The following SORCS2 variants were observed in gnomAD, a reference collection of about 807,000 sequenced individuals.
The protein encoded by SORCS2 is sortilin related VPS10 domain containing receptor 2, also known as VPS10 domain-containing receptor SorCS2.
In SORCS2, 100 loss-of-function variants were observed where a neutral mutation model predicts 141.6. The observed-to-expected ratio is 0.71, with a 90% CI of 0.60 to 0.83. The LOEUF (loss-of-function observed/expected upper bound fraction) is 0.83. SORCS2 is among the 40% of genes least tolerant of loss of function. SORCS2 has a pLI of 0.00. For synonymous variants in SORCS2, 789 were observed against 676.9 expected, an observed-to-expected ratio of 1.17 and a Z score of -2.57; for missense variants, 1,646 against 1,560.2, an observed-to-expected ratio of 1.05 and a Z score of -0.93.
chr4:7,305,360 AGT>A (rs1717740894), intron 1 of SORCS2, among the ~76,000 whole-genome samples: 1 of 100,484 alleles, frequency 1.0e-5, no homozygotes, highest in African/African-American at 3.4e-5. Context: ...TTTCTACTTT[AGT>A]TTTTTTTTTT....
intron 3 of SORCS2, among the ~76,000 whole-genome samples, chr4:7,532,075 G>A (rs546740929): frequency 3.9e-5 from 6 of 152,322 alleles, no homozygotes; most frequent in African/African-American, 1.2e-4. Context: ...GCTGTTTCCT[G>A]GGTCTGGGGG....
chr4:7,577,290 G>A lies in SORCS2; in HGVS notation c.648+45661G>A, dbSNP rs141072865. On this transcript the variant is annotated intron_variant, in intron 3 of 26. Transcript: ENST00000507866. ...CACCAGTTCCCTGGTGGGGAGACAG[G>A]TGAAGGCAGGTGGGTAGACAGGTAA... 4.0e-3 allele frequency among the ~76,000 whole-genome samples: 615 copies of A among 152,370 alleles called. 13 individuals carry two copies. The highest frequency in any genetic ancestry group is 0.014 in the African/African-American group (583 of 41,592).
intron 3 of SORCS2, among the ~76,000 whole-genome samples, chr4:7,578,109 T>C (rs1187736796): frequency 6.6e-6 from 1 of 152,220 alleles, no homozygotes; most frequent in East Asian, 1.9e-4. Context: ...ATTAATGTCC[T>C]CTCAGGATTG....
At chr4:7,253,206 T>C (rs11730548) in intron 1 of SORCS2, among the ~76,000 whole-genome samples, 127,759 of 152,264 alleles carry the variant, frequency 0.84, 53,675 homozygotes, top group African/African-American at 0.87. Flanking sequence ...GCCATCCCTG[T>C]CTCAGACTCC....
At position 7,713,918 on chromosome 4, in the gene SORCS2, G is replaced by A. The variant is rs148484617; in HGVS notation, c.1990-322G>A. ...TGTGTGCCTGTGAGCCCTCGAGGGC[G>A]TGGCTCAGCCCAGCTCCCACACAGC... On this transcript the variant is annotated intron_variant, in intron 15 of 26. Transcript: ENST00000507866. Among the ~76,000 whole-genome samples, 1,283 of 152,306 alleles carry A rather than the reference G, an allele frequency of 8.4e-3. 15 individuals are homozygous for A. The highest frequency in any genetic ancestry group is 0.029 in the African/African-American group (1,195 of 41,558).
intron 2 of SORCS2, among the ~76,000 whole-genome samples, chr4:7,473,642 G>A (rs10006748): frequency 0.036 from 5,473 of 152,246 alleles, 337 homozygotes; most frequent in African/African-American, 0.12. Flanking sequence ...AAGCATAGGC[G>A]TGTCCGTCAC....
intron 2 of SORCS2, among the ~76,000 whole-genome samples, chr4:7,467,711 C>T (rs1256738058): frequency 6.6e-6 from 1 of 152,212 alleles, no homozygotes; most frequent in African/African-American, 2.4e-5. Flanking sequence ...GGGGAGATGC[C>T]ACCCAGCTCT....
At chr4:7,296,047 G>A (rs1268814057) in intron 1 of SORCS2, among the ~76,000 whole-genome samples, 1 of 152,196 alleles carries the variant, frequency 6.6e-6, no homozygotes, top group Non-Finnish European at 1.5e-5. Flanking sequence ...CCGTGCTGGG[G>A]GCCACAGGGA....
At chr4:7,698,521 G>T (rs1724850858) in intron 12 of SORCS2, among the ~76,000 whole-genome samples, 1 of 152,240 alleles carries the variant, frequency 6.6e-6, no homozygotes, top group Non-Finnish European at 1.5e-5. Flanking sequence ...GGTCACATCT[G>T]TCCATTTATT....
At chr4:7,447,699 G>A (rs1442994719) in intron 2 of SORCS2, among the ~76,000 whole-genome samples, 1 of 152,174 alleles carries the variant, frequency 6.6e-6, no homozygotes, top group African/African-American at 2.4e-5. Context: ...ATGGGGACAG[G>A]CTCGGGGCAG....
chr4:7,582,665 CAAAA>C (rs139045913), intron 3 of SORCS2, among the ~76,000 whole-genome samples: 2 of 151,646 alleles, frequency 1.3e-5, no homozygotes, highest in African/African-American at 4.8e-5. Context: ...AAACAAAAAA[CAAAA>C]AAAAGCAATT....
rs558063181 is a variant in SORCS2, at chr4:7,685,349, G to T, written c.1488+2460G>T. 3.3e-5 allele frequency among the ~76,000 whole-genome samples: 5 copies of T among 152,256 alleles called. No homozygotes were observed. The South Asian group carries it at 1.0e-3, about 32-fold the overall frequency. ...GGGGAAATGCAGAGCCAAGTGCATGGAGCCCACGTGGGTACAACAGACATC... is the reference window on the plus strand; with the variant it reads ...GGGGAAATGCAGAGCCAAGTGCATGTAGCCCACGTGGGTACAACAGACATC... On this transcript the variant is annotated intron_variant, in intron 10 of 26. Coordinates refer to ENST00000507866, the MANE Select transcript of SORCS2 (RefSeq NM_020777.3).
At chr4:7,290,578 T>A (rs1229537601) in intron 1 of SORCS2, among the ~76,000 whole-genome samples, 1 of 152,126 alleles carries the variant, frequency 6.6e-6, no homozygotes, top group Non-Finnish European at 1.5e-5. Flanking sequence ...AGGAAAAGGG[T>A]TTGCAGTGAA....
chr4:7,537,586 C>G (rs1712235513), intron 3 of SORCS2, among the ~76,000 whole-genome samples: 1 of 152,216 alleles, frequency 6.6e-6, no homozygotes, highest in Non-Finnish European at 1.5e-5. Context: ...CTACTATGCA[C>G]TGGGTCCCTT....
At chr4:7,329,845 AG>A (rs1719532850) in intron 1 of SORCS2, among the ~76,000 whole-genome samples, 3 of 152,282 alleles carry the variant, frequency 2.0e-5, no homozygotes, top group Non-Finnish European at 2.9e-5. Flanking sequence ...TTTGGTGGTT[AG>A]GGGGAGTAAA....
chr4:7,714,559 C>A (rs906080724), intron 16 of SORCS2, among the ~76,000 whole-genome samples, 186 bp downstream of exon 16: 14 of 152,250 alleles, frequency 9.2e-5, no homozygotes, highest in South Asian at 6.2e-4. Flanking sequence ...CCAGCCCACA[C>A]TCCAGGAAGG....
At chr4:7,581,834 T>A (rs1344865827) in intron 3 of SORCS2, among the ~76,000 whole-genome samples, 2 of 152,212 alleles carry the variant, frequency 1.3e-5, no homozygotes, top group African/African-American at 4.8e-5. Context: ...TAGAGACAAC[T>A]AAAATATCAA....
intron 2 of SORCS2, among the ~76,000 whole-genome samples, chr4:7,452,774 G>C (rs552354364): frequency 5.3e-5 from 8 of 152,342 alleles, no homozygotes; most frequent in Non-Finnish European, 1.0e-4. Flanking sequence ...CCAGCAGAGC[G>C]TAAGAGCTTG....
chr4:7,333,483 G>A (rs901155620), intron 1 of SORCS2, among the ~76,000 whole-genome samples: 1 of 152,192 alleles, frequency 6.6e-6, no homozygotes, highest in Non-Finnish European at 1.5e-5. Context: ...ACTGCACAGG[G>A]CCCAGCCTGC....
Sources: allele counts gnomAD v4.1 joint callset (sites outside exome capture counted in the v4.1 genomes callset), GRCh38; gene constraint gnomAD v4.1.1; transcripts MANE v1.5; gene names NCBI Gene and HGNC (gene_info 2026-07-23, HGNC 2026-07-21).